Variants in PLPPR5 observed in about 807,000 individuals in gnomAD.
PLPPR5 encodes phospholipid phosphatase-related protein type 5.
Under a neutral mutation model 33.9 loss-of-function variants are expected in PLPPR5, and 16 were observed. That is an observed-to-expected ratio of 0.47 (90% confidence interval 0.32 to 0.72). The LOEUF is 0.72. PLPPR5 is among the 30% of genes least tolerant of loss of function. PLPPR5 has a pLI of 0.03. For synonymous variants in PLPPR5, 163 were observed against 150.3 expected (o/e 1.08, Z -0.62); for missense variants, 301 against 406.7 (o/e 0.74, Z 2.23).
intron 5 of PLPPR5, among the ~76,000 whole-genome samples, chr1:98,901,580 G>A (rs1407576579): frequency 4.6e-5 from 7 of 151,962 alleles, no homozygotes; most frequent in East Asian, 1.9e-4. Context: ...GTTTCAGTAC[G>A]AAAGAAAAAT....
chr1:98,956,137 A>T (rs184181143), intron 2 of PLPPR5, among the ~76,000 whole-genome samples: 5 of 152,088 alleles, frequency 3.3e-5, no homozygotes, highest in Non-Finnish European at 7.4e-5. Context: ...ATGTTCGACA[A>T]CCTACCTGGA....
At chr1:98,916,207 T>C (rs376284845) in intron 4 of PLPPR5, among the ~76,000 whole-genome samples, 10 of 152,300 alleles carry the variant, frequency 6.6e-5, no homozygotes, top group Admixed American at 3.9e-4. Flanking sequence ...CCTACTGAGA[T>C]TTTACGTCAG....
chr1:98,920,684 AGT>A (rs1424810202), intron 4 of PLPPR5, among the ~76,000 whole-genome samples: 1 of 150,588 alleles, frequency 6.6e-6, no homozygotes, highest in Non-Finnish European at 1.5e-5. Context: ...TAAAATGCCC[AGT>A]ACATAAATTA....
chr1:98,916,285 G>C (rs1453140308), intron 4 of PLPPR5, among the ~76,000 whole-genome samples: 1 of 152,108 alleles, frequency 6.6e-6, no homozygotes, highest in Non-Finnish European at 1.5e-5. Context: ...CTACAGATTA[G>C]AGATATAGAT....
chr1:98,980,729 T>A (rs1385026100), intron 1 of PLPPR5, among the ~76,000 whole-genome samples: 1 of 152,106 alleles, frequency 6.6e-6, no homozygotes, highest in Non-Finnish European at 1.5e-5. Context: ...ACATGTATTA[T>A]ACAGGTGAAC....
intron 3 of PLPPR5, among the ~76,000 whole-genome samples, chr1:98,925,952 G>A (rs942079844): frequency 3.3e-5 from 5 of 152,304 alleles, no homozygotes; most frequent in African/African-American, 9.6e-5. Flanking sequence ...CTTCACTAGA[G>A]TGAGGACATA....
At chr1:98,924,417 G>A (rs573203604) in intron 3 of PLPPR5, among the ~76,000 whole-genome samples, 7 of 152,190 alleles carry the variant, frequency 4.6e-5, no homozygotes, top group African/African-American at 1.7e-4. Flanking sequence ...TGGAGGAAAT[G>A]GCCAATGAGC....
intron 1 of PLPPR5, among the ~76,000 whole-genome samples, chr1:98,989,080 G>A (rs1039991504): frequency 3.9e-5 from 6 of 151,964 alleles, no homozygotes. Context: ...AACTGAACAG[G>A]GAGGAGTCTG....
chr1:98,999,916 G>A (rs1478530832), intron 1 of PLPPR5, among the ~76,000 whole-genome samples: 1 of 152,150 alleles, frequency 6.6e-6, no homozygotes, highest in East Asian at 1.9e-4. Flanking sequence ...GGGCTGCCTT[G>A]GTTGGTGCTG....
chr1:98,983,946 C>CTTT (rs113661489), intron 1 of PLPPR5, among the ~76,000 whole-genome samples: 14 of 141,860 alleles, frequency 9.9e-5, no homozygotes, highest in African/African-American at 3.6e-4. Flanking sequence ...TTGTTTTTTT[C>CTTT]TTTTTTTTTT....
At position 98,914,871 on chromosome 1, in the gene PLPPR5, T is replaced by G; in HGVS notation, c.848A>C (p.His283Pro). ...CTGTGCCAGATTATCCATGTGTATA[T>G]GCTCATTTTCTGCTTGTCTCCCTTT... ...NFKGRQAENE[H>P]IHMDNLAQMP... is the part of the protein sequence containing the mutation. The change falls in exon 5 of 6, where the codon CAT becomes CCT. Residue 283 changes from histidine to proline, a missense_variant. Transcript: ENST00000263177. The G allele has an allele frequency of 6.2e-7, 1 of 1,613,028 alleles. No homozygotes were observed. The highest frequency in any genetic ancestry group is 8.5e-7 in the Non-Finnish European group (1 of 1,179,686).
intron 3 of PLPPR5, among the ~76,000 whole-genome samples, chr1:98,923,338 A>G (rs879216624): frequency 1.3e-5 from 2 of 152,242 alleles, no homozygotes; most frequent in Admixed American, 6.5e-5. Context: ...ATAAACGTCA[A>G]TAAGTATCTG....
intron 3 of PLPPR5, among the ~76,000 whole-genome samples, chr1:98,943,347 T>C (rs1010785272): frequency 6.6e-6 from 1 of 152,120 alleles, no homozygotes; most frequent in Non-Finnish European, 1.5e-5. Context: ...AGACCCACAG[T>C]CATTTACTCA....
intron 3 of PLPPR5, among the ~76,000 whole-genome samples, chr1:98,928,831 A>G (rs1649861517): frequency 6.6e-6 from 1 of 151,928 alleles, no homozygotes; most frequent in South Asian, 2.1e-4. Context: ...ATTTGTTAAT[A>G]TATTACCATG....
intron 5 of PLPPR5, among the ~76,000 whole-genome samples, chr1:98,896,321 G>A (rs1648470938): frequency 6.6e-6 from 1 of 152,092 alleles, no homozygotes; most frequent in African/African-American, 2.4e-5. Context: ...GACTGCCTGT[G>A]AGGCAAAGTA....
At chr1:98,893,952 T>C (rs1648377569) in intron 5 of PLPPR5, among the ~76,000 whole-genome samples, 1 of 152,060 alleles carries the variant, frequency 6.6e-6, no homozygotes, top group Admixed American at 6.6e-5. Flanking sequence ...TTTCATATGA[T>C]GAATGTATGC....
At chr1:98,988,156 C>T (rs1162820111) in intron 1 of PLPPR5, among the ~76,000 whole-genome samples, 3 of 152,044 alleles carry the variant, frequency 2.0e-5, no homozygotes, top group African/African-American at 4.8e-5. Flanking sequence ...CAGGTCAAGT[C>T]TAAAGTCCAC....
intron 3 of PLPPR5, among the ~76,000 whole-genome samples, chr1:98,927,010 A>G (rs755167378): frequency 7.9e-5 from 12 of 152,200 alleles, no homozygotes; most frequent in Non-Finnish European, 5.9e-5. Flanking sequence ...AATGGTGGAA[A>G]GACCATGGAC....
At chr1:98,941,946 A>C (rs1345774553) in intron 3 of PLPPR5, among the ~76,000 whole-genome samples, 1 of 151,504 alleles carries the variant, frequency 6.6e-6, no homozygotes, top group East Asian at 1.9e-4. Flanking sequence ...TCCTCAATTT[A>C]GAAGGAGTTT....
Sources: gnomAD v4.1 joint callset for allele counts (sites outside exome capture counted in the v4.1 genomes callset) on GRCh38, gnomAD v4.1.1 for gene constraint, MANE v1.5 for transcripts, NCBI Gene and HGNC (gene_info 2026-07-23, HGNC 2026-07-21) for gene names.